SLC25A20: variants seen among roughly 807,000 people sequenced by gnomAD.
SLC25A20 encodes solute carrier family 25 member 20, also known as mitochondrial carnitine/acylcarnitine carrier protein.
SLC25A20 carries 29 observed loss-of-function variants against 39.7 expected under a neutral mutation model. The observed-to-expected ratio is 0.73, with a 90% CI of 0.54 to 1.00. The LOEUF is 1.00. Ranked by LOEUF, SLC25A20 falls within the 50% of genes least tolerant of loss-of-function variation. SLC25A20 has a pLI of 0.00. For synonymous variants in SLC25A20, 103 were observed against 142.2 expected (o/e 0.72, Z 1.96); for missense variants, 333 against 379.9 (o/e 0.88, Z 1.03).
chr3:48,859,676 A>G, intron 5 of SLC25A20, 49 bp from the exon 6 acceptor site: 1 of 1,435,842 alleles, frequency 7.0e-7, no homozygotes, highest in Non-Finnish European at 9.8e-7. Context: ...ACTCTTCGCC[A>G]GGCATGGTGG....
At chr3:48,863,104 C>T (rs1186334189) in intron 4 of SLC25A20, among the ~76,000 whole-genome samples, 3 of 152,006 alleles carry the variant, frequency 2.0e-5, no homozygotes, top group South Asian at 2.1e-4. Flanking sequence ...GCAGGAGAAT[C>T]GCCTGAACTT....
chr3:48,859,677 G>T, intron 5 of SLC25A20, 50 bp from the exon 6 acceptor site: 1 of 1,420,556 alleles, frequency 7.0e-7, no homozygotes, highest in South Asian at 1.1e-5. Flanking sequence ...CTCTTCGCCA[G>T]GCATGGTGGT....
chr3:48,857,648 CT>C lies in SLC25A20; in HGVS notation c.*61del. The C allele has an allele frequency of 1.3e-6, 2 of 1,501,544 alleles. No homozygotes were observed. Among genetic ancestry groups the C allele is most frequent in the Non-Finnish European group, 1.8e-6 (2 of 1,082,478 alleles). 93.0% of individuals were successfully genotyped at this position (1,501,544 alleles called of 1,614,324 possible). On this transcript the variant is annotated 3_prime_UTR_variant, in exon 9 of 9. Transcript: ENST00000319017. The stretch of plus-strand genomic sequence containing the variant: ...CTCCAAGACTGCTTAGTTCTGCTTA[CT>C]ACTCCTTCTCCTCAACGACAGCTTC...
chr3:48,890,391 GT>G (rs1165693443), intron 2 of SLC25A20, among the ~76,000 whole-genome samples: 1 of 151,890 alleles, frequency 6.6e-6, no homozygotes, highest in Non-Finnish European at 1.5e-5. Flanking sequence ...GGGTTTCACC[GT>G]GTTAGCTAGG....
chr3:48,886,450 G>A (rs980796512), intron 2 of SLC25A20, among the ~76,000 whole-genome samples: 5 of 152,044 alleles, frequency 3.3e-5, no homozygotes, highest in African/African-American at 7.2e-5. Context: ...CTTGAACCGG[G>A]AGGCGGAGGT....
At chr3:48,878,135 C>T (rs1329216039) in intron 4 of SLC25A20, among the ~76,000 whole-genome samples, 1 of 151,468 alleles carries the variant, frequency 6.6e-6, no homozygotes, top group African/African-American at 2.4e-5. Flanking sequence ...GTGGCACATG[C>T]CTGTGGTCCC....
intron 1 of SLC25A20, among the ~76,000 whole-genome samples, chr3:48,897,371 T>TTA (rs2083918008): frequency 7.5e-6 from 1 of 133,156 alleles, no homozygotes; most frequent in Admixed American, 7.4e-5. Context: ...ATATATATTT[T>TTA]TTTTTTTTTT....
intron 5 of SLC25A20, among the ~76,000 whole-genome samples, chr3:48,862,254 C>T (rs1419771556): frequency 1.3e-5 from 2 of 152,128 alleles, no homozygotes; most frequent in Admixed American, 1.3e-4. Context: ...CCCCAAGTCA[C>T]ACTTTCTTCC....
intron 4 of SLC25A20, among the ~76,000 whole-genome samples, chr3:48,869,037 G>A (rs2083692340): frequency 6.6e-6 from 1 of 152,102 alleles, no homozygotes; most frequent in African/African-American, 2.4e-5. Context: ...CAATAAAAAT[G>A]AGCACCCCAT....
In SLC25A20 at chr3:48,857,764, G is replaced by C. The variant is rs1182403423; in HGVS notation, c.852C>G (p.Phe284Leu). The change falls in exon 9 of 9, where the codon TTC becomes TTG. Residue 284 changes from phenylalanine to leucine, a missense_variant. Physicochemically the swap from Phe to Leu is conservative, Grantham distance 22 (BLOSUM62 0). Coordinates refer to ENST00000319017, the MANE Select transcript of SLC25A20 (RefSeq NM_000387.6). ...ACTTCATGGCAACTTCAAAGCCAAG[G>C]AAACAGGCCTAAGAAGGGATTGGGA... ...IRAFPANAAC[F>L]LGFEVAMKFL... 1 of 1,613,726 alleles carries C rather than the reference G, an allele frequency of 6.2e-7. No individual in the cohort carries two copies. Among genetic ancestry groups the C allele is most frequent in the East Asian group, 2.2e-5 (1 of 44,868 alleles).
intron 4 of SLC25A20, among the ~76,000 whole-genome samples, chr3:48,876,986 C>A (rs1284312588): frequency 1.3e-5 from 2 of 151,894 alleles, no homozygotes; most frequent in African/African-American, 4.8e-5. Context: ...GTCCCACCTA[C>A]TAGGGAGGCT....
rs758036281 is a variant in SLC25A20, at chr3:48,862,529, C to T, written c.535+13G>A. 20 of 1,571,038 alleles carry T rather than the reference C, an allele frequency of 1.3e-5. No individual in the cohort carries two copies. In the South Asian group the frequency reaches 2.0e-4, roughly 16 times the overall value. On this transcript the variant is annotated intron_variant, in intron 5 of 8. Coordinates refer to ENST00000319017, the MANE Select transcript of SLC25A20 (RefSeq NM_000387.6). The stretch of plus-strand genomic sequence containing the variant: ...CTCCCCAGGTGACCTCAAGTGGAGG[C>T]CTGAAAGGTTACCTCGCATAAGGGT...
At chr3:48,874,834 G>A (rs1448166586) in intron 4 of SLC25A20, among the ~76,000 whole-genome samples, 4 of 151,592 alleles carry the variant, frequency 2.6e-5, no homozygotes, top group Admixed American at 6.6e-5. Flanking sequence ...ATCACTTAAG[G>A]TCAGGAGTTC....
At chr3:48,889,312 C>G (rs2083855957) in intron 2 of SLC25A20, among the ~76,000 whole-genome samples, 1 of 151,308 alleles carries the variant, frequency 6.6e-6, no homozygotes, top group Non-Finnish European at 1.5e-5. Context: ...ATCTCTTGAG[C>G]CTGGGAGGCA....
At chr3:48,895,773 T>C (rs769217894) in intron 1 of SLC25A20, 33 of 456,336 alleles carry the variant, frequency 7.2e-5, no homozygotes, top group Non-Finnish European at 1.3e-4. Context: ...CCAAAATCCC[T>C]CATATTGTCC....
At chr3:48,876,136 A>G (rs1236235110) in intron 4 of SLC25A20, among the ~76,000 whole-genome samples, 1 of 151,974 alleles carries the variant, frequency 6.6e-6, no homozygotes, top group Non-Finnish European at 1.5e-5. Context: ...TGAGGTCAGG[A>G]GTTTGAGACC....
chr3:48,860,646 G>A (rs557547551), intron 5 of SLC25A20, among the ~76,000 whole-genome samples: 5 of 151,074 alleles, frequency 3.3e-5, no homozygotes, highest in South Asian at 2.1e-4. Context: ...AAATTAGCCC[G>A]GCCTGGTGGC....
chr3:48,869,097 C>G (rs545567657), intron 4 of SLC25A20, among the ~76,000 whole-genome samples: 2 of 152,240 alleles, frequency 1.3e-5, no homozygotes, highest in African/African-American at 4.8e-5. Context: ...CTACCTCCAC[C>G]TAGCTGTAAT....
rs1324049269 is a variant in SLC25A20, at chr3:48,897,363, A to T, written c.105+1327T>A. ...TGTGTGTGAATATATATATATATAT[A>T]TATATTTTTTTTTTTTTTTTTTTTA... On this transcript the variant is annotated intron_variant, in intron 1 of 8. Coordinates refer to ENST00000319017, the MANE Select transcript of SLC25A20 (RefSeq NM_000387.6). Among the ~76,000 whole-genome samples the T allele has an allele frequency of 4.7e-3, 506 of 108,126 alleles. 7 individuals are homozygous for T. The highest frequency in any genetic ancestry group is 6.2e-3 in the Non-Finnish European group (324 of 52,102). The allele number at this position is 108,126 out of a possible 152,430, so 70.9% of individuals were successfully genotyped here. A position where few individuals can be genotyped will look rare whatever the true frequency, so the allele number is the denominator to read the frequency against.
Sources: allele counts gnomAD v4.1 joint callset (sites outside exome capture counted in the v4.1 genomes callset), GRCh38; gene constraint gnomAD v4.1.1; transcripts MANE v1.5; gene names NCBI Gene and HGNC (gene_info 2026-07-23, HGNC 2026-07-21).